The following ELMO2 variants were observed in gnomAD, a reference collection of about 807,000 sequenced individuals.
The protein encoded by ELMO2 is engulfment and cell motility 2.
A neutral mutation model predicts 96.2 loss-of-function variants in ELMO2; 37 were observed. That is an observed-to-expected ratio of 0.38 (90% confidence interval 0.30 to 0.51). The LOEUF (loss-of-function observed/expected upper bound fraction) is 0.51. ELMO2 is among the 20% of genes least tolerant of loss of function. The pLI is 0.88. For synonymous variants in ELMO2, 315 were observed against 329.4 expected (o/e 0.96, Z 0.47); for missense variants, 561 against 912.6 (o/e 0.61, Z 4.96).
chr20:46,377,581 C>T (rs1375695882), intron 11 of ELMO2, among the ~76,000 whole-genome samples: 2 of 152,172 alleles, frequency 1.3e-5, no homozygotes, highest in Non-Finnish European at 2.9e-5. Flanking sequence ...TCCTCAGCCA[C>T]AACAGACTTA....
chr20:46,395,916 GTGTTT>G (rs932077878), intron 2 of ELMO2, among the ~76,000 whole-genome samples: 1 of 152,244 alleles, frequency 6.6e-6, no homozygotes, highest in African/African-American at 2.4e-5. Context: ...CTAAAGCTCA[GTGTTT>G]TGTTAAGTGC....
intron 3 of ELMO2, 131 bp downstream of exon 3, chr20:46,394,274 C>T: frequency 8.2e-7 from 1 of 1,219,742 alleles, no homozygotes; most frequent in Non-Finnish European, 1.2e-6. Flanking sequence ...GTGGGCCAGG[C>T]CCAAAGCTTA....
chr20:46,385,906 G>A (rs561799097), intron 9 of ELMO2, among the ~76,000 whole-genome samples: 1 of 152,224 alleles, frequency 6.6e-6, no homozygotes, highest in African/African-American at 2.4e-5. Context: ...TAACCTAAGG[G>A]GCAGAGAGAG....
rs1249536054 is a variant in ELMO2 at position 46,374,516 on chromosome 20, G to T, written c.1170+20C>A. The T allele has an allele frequency of 4.3e-6, 7 of 1,613,104 alleles. No individual in the cohort carries two copies. In the East Asian group the frequency reaches 1.6e-4, roughly 36 times the overall value. ...GAGATGTGGCACCAGGACTGAGAAG[G>T]CCAGCTCCCCTGCCTTTACCCGGAT... On this transcript the variant is annotated intron_variant, in intron 14 of 21. Coordinates refer to ENST00000290246, the MANE Select transcript of ELMO2 (RefSeq NM_133171.5).
Position 46,373,553 on chromosome 20 carries a change from CA to C in ELMO2, c.1280-19del. The C allele has an allele frequency of 6.2e-7, 1 of 1,613,160 alleles. No homozygotes were observed. Among genetic ancestry groups the C allele is most frequent in the Non-Finnish European group, 8.5e-7 (1 of 1,179,236 alleles). On this transcript the variant is annotated intron_variant, in intron 15 of 21. Coordinates refer to ENST00000290246, the MANE Select transcript of ELMO2 (RefSeq NM_133171.5). ...TTCATTTGCTGTGGAAGTGAAAAAA[CA>C]GGGAGAAGATGAAGCCTCTGTCCAC...
intron 20 of ELMO2, 145 bp downstream of exon 20, chr20:46,370,298 T>A (rs1467624103): frequency 2.6e-6 from 2 of 775,424 alleles, no homozygotes; most frequent in Non-Finnish European, 4.5e-6. Flanking sequence ...AGGTTCCATC[T>A]ATTTTTGTGT....
At chr20:46,382,284 G>A (rs757102479) in intron 10 of ELMO2, 8 of 1,289,380 alleles carry the variant, frequency 6.2e-6, no homozygotes, top group East Asian at 1.1e-4. Flanking sequence ...CAGACGGAAT[G>A]AGCTTTCAGC....
chr20:46,386,099 G>A (rs1446606748), intron 9 of ELMO2, 25 bp downstream of exon 9: 1 of 1,604,100 alleles, frequency 6.2e-7, no homozygotes, highest in East Asian at 2.2e-5. Flanking sequence ...AGTGAAGGGA[G>A]GGAGGTGTAG....
At chr20:46,391,776 G>T (rs1394772610) in intron 6 of ELMO2, among the ~76,000 whole-genome samples, 4 of 152,130 alleles carry the variant, frequency 2.6e-5, no homozygotes, top group African/African-American at 4.8e-5. Flanking sequence ...CAACACGAAG[G>T]GTCAGAAAGG....
rs531721482 is a variant in ELMO2, at chr20:46,375,707, C to T, written c.891G>A (p.Leu297=). Residue 297 remains leucine (L), a synonymous_variant, in exon 12 of 22, where the codon CTG becomes CTA. Transcript: ENST00000290246. The surrounding 1 kb of genome is among the most constrained non-coding windows in gnomAD (Gnocchi z 4.6). ...YVLQVLTFNL[L]EERMMTKMDP... is the part of the protein sequence containing the mutation. ...CCATCTTGGTCATCATCCTTTCTTCCAGAAGGTTAAAGGTTAGGACTTGAA... is the reference window on the plus strand; with the variant it reads ...CCATCTTGGTCATCATCCTTTCTTCTAGAAGGTTAAAGGTTAGGACTTGAA... The T allele has an allele frequency of 3.1e-6, 5 of 1,614,146 alleles. No homozygotes were observed. The South Asian group carries it at 4.4e-5, about 14-fold the overall frequency.
rs376702127 is a variant in ELMO2 at position 46,379,975 on chromosome 20, T to C, written c.807+278A>G. On this transcript the variant is annotated intron_variant, in intron 11 of 21. Coordinates refer to ENST00000290246, the MANE Select transcript of ELMO2 (RefSeq NM_133171.5). ...TGTGCCTATTTTAACATATTCCCTC[T>C]GGATAAAAATTCTGGAGTTGCAGGG... 2.1e-4 allele frequency: 62 copies of C among 300,614 alleles called. 1 individual carries two copies. Among genetic ancestry groups the C allele is most frequent in the African/African-American group, 1.3e-3 (59 of 47,012 alleles). 18.6% of individuals were successfully genotyped at this position (300,614 alleles called of 1,614,324 possible). A position where few individuals can be genotyped will look rare whatever the true frequency, so the allele number is the denominator to read the frequency against.
rs764852203 is a variant in ELMO2 at position 46,374,521 on chromosome 20, C to T, written c.1170+15G>A. 6 of 1,613,186 alleles carry T rather than the reference C, an allele frequency of 3.7e-6. No individual in the cohort carries two copies. Among genetic ancestry groups the T allele is most frequent in the Non-Finnish European group, 1.7e-6 (2 of 1,179,126 alleles). The stretch of plus-strand genomic sequence containing the variant: ...GTGGCACCAGGACTGAGAAGGCCAG[C>T]TCCCCTGCCTTTACCCGGATGTAGG... On this transcript the variant is annotated intron_variant, in intron 14 of 21. Transcript: ENST00000290246.
At position 46,387,207 on chromosome 20, in the gene ELMO2, G is replaced by A. The variant is rs1003457677; in HGVS notation, c.525+131C>T. On this transcript the variant is annotated intron_variant, in intron 8 of 21. Transcript: ENST00000290246. ...GAAGCCACAGAAGACTAGAGCTTGA[G>A]GATGAAAAATCTGGCCCCAGGGAAT... 3 of 694,170 alleles carry A rather than the reference G, an allele frequency of 4.3e-6. No homozygotes were observed. The Admixed American group carries it at 8.4e-5, about 20-fold the overall frequency. 43.0% of individuals were successfully genotyped at this position (694,170 alleles called of 1,614,324 possible).
chr20:46,375,212 C>T lies in ELMO2; in HGVS notation c.1065+24G>A. 6 of 1,609,410 alleles carry T rather than the reference C, an allele frequency of 3.7e-6. No homozygotes were observed. The highest frequency in any genetic ancestry group is 5.1e-6 in the Non-Finnish European group (6 of 1,178,312). ...TCCCATCAGGGGAGAGGGCCTACCA[C>T]CGTCTATGCTCTGAGGTACTTACGG... On this transcript the variant is annotated intron_variant, in intron 13 of 21. Coordinates refer to ENST00000290246, the MANE Select transcript of ELMO2 (RefSeq NM_133171.5). The surrounding 1 kb of genome is among the most constrained non-coding windows in gnomAD (Gnocchi z 4.6).
At chr20:46,398,226 T>C (rs571850650) in intron 2 of ELMO2, among the ~76,000 whole-genome samples, 5 of 152,210 alleles carry the variant, frequency 3.3e-5, no homozygotes, top group Non-Finnish European at 4.4e-5. Flanking sequence ...ATAAGTCTGA[T>C]TTGTTTGAAA....
rs938241251 is a variant in ELMO2, at chr20:46,393,461, G to C, written c.192+68C>G. On this transcript the variant is annotated intron_variant, in intron 5 of 21. Transcript: ENST00000290246. ...CCTGGATGCTGAGTGAAGATAAATAGTGCCGTCTCCTTGGGTCGTTTAATT... is the reference window on the plus strand; with the variant it reads ...CCTGGATGCTGAGTGAAGATAAATACTGCCGTCTCCTTGGGTCGTTTAATT... 2.6e-5 allele frequency: 40 copies of C among 1,525,840 alleles called. No homozygotes were observed. The African/African-American group carries it at 5.4e-4, about 20-fold the overall frequency. The allele number at this position is 1,525,840 out of a possible 1,614,324, so 94.5% of individuals were successfully genotyped here. A position where few individuals can be genotyped will look rare whatever the true frequency, so the allele number is the denominator to read the frequency against.
chr20:46,381,271 C>T (rs930393449), intron 10 of ELMO2, among the ~76,000 whole-genome samples: 6 of 152,142 alleles, frequency 3.9e-5, no homozygotes, highest in Non-Finnish European at 7.3e-5. Flanking sequence ...CTTCCAGTGT[C>T]GACCATCACT....
chr20:46,369,495 A>G (rs2059652782), intron 20 of ELMO2: 1 of 153,350 alleles, frequency 6.5e-6, no homozygotes, highest in Non-Finnish European at 1.5e-5. Context: ...GGAAACCAAT[A>G]GTAGATAAGG....
chr20:46,395,942 C>T (rs1444876729), intron 2 of ELMO2, among the ~76,000 whole-genome samples: 5 of 152,226 alleles, frequency 3.3e-5, no homozygotes, highest in Admixed American at 3.3e-4. Flanking sequence ...CCAAGGTCAC[C>T]CAGCTAGTAA....
Sources: gnomAD v4.1 joint callset for allele counts (sites outside exome capture counted in the v4.1 genomes callset) on GRCh38, gnomAD v4.1.1 for gene constraint, Gnocchi (gnomAD v3.1) non-coding constraint, MANE v1.5 for transcripts, NCBI Gene and HGNC (gene_info 2026-07-23, HGNC 2026-07-21) for gene names.